Variants in DNAH9 observed in about 807,000 individuals in gnomAD.
DNAH9 encodes dynein axonemal heavy chain 9.
A neutral mutation model predicts 471.6 loss-of-function variants in DNAH9; 345 were observed. The ratio of observed to expected loss-of-function variants is 0.73; its 90% CI spans 0.67 to 0.80. The LOEUF (loss-of-function observed/expected upper bound fraction) is 0.80, where lower values mean the gene tolerates loss of function less well. Among genes scored for constraint, DNAH9 ranks in the 30% least tolerant of loss-of-function variants. The pLI, the probability that DNAH9 is intolerant of heterozygous loss-of-function variation, is 0.00. For missense variants in DNAH9, 5,407 were observed against 5,609.2 expected, an observed-to-expected ratio of 0.96 and a Z score of 1.15; for synonymous variants, 2,093 against 2,123.6, an observed-to-expected ratio of 0.99 and a Z score of 0.40.
In DNAH9 at chr17:11,694,640, T is replaced by TTTCTC. The variant is rs2074402896; in HGVS notation, c.4872+193_4872+194insTTCTC. ...TTGCTTTCTTGCTTTCTTGCTTTCT[T>TTTCTC]GCTTTCTCGCTTTCTCGCTTTCTCG... On this transcript the variant is annotated intron_variant, in intron 22 of 68. Transcript: ENST00000262442. Among the ~76,000 whole-genome samples, 20 of 2,670 alleles carry TTTCTC rather than the reference T, an allele frequency of 7.5e-3. 2 individuals are homozygous for TTTCTC. Among genetic ancestry groups the TTTCTC allele is most frequent in the African/African-American group, 0.011 (20 of 1,792 alleles). The allele number at this position is 2,670 out of a possible 152,430, so 1.8% of individuals were successfully genotyped here. A position where few individuals can be genotyped will look rare whatever the true frequency, so the allele number is the denominator to read the frequency against.
chr17:11,620,855 G>C (rs2072844413), intron 6 of DNAH9, among the ~76,000 whole-genome samples: 1 of 152,120 alleles, frequency 6.6e-6, no homozygotes, highest in South Asian at 2.1e-4. Flanking sequence ...CTGTGCAAAA[G>C]AAACATGACT....
At chr17:11,912,241 T>C (rs1973816009) in intron 61 of DNAH9, among the ~76,000 whole-genome samples, 2 of 152,110 alleles carry the variant, frequency 1.3e-5, no homozygotes, top group African/African-American at 4.8e-5. Context: ...ATGGTCTCAA[T>C]CTCTTGACTT....
At chr17:11,658,349 T>C (rs1356798165) in intron 14 of DNAH9, among the ~76,000 whole-genome samples, 2 of 152,184 alleles carry the variant, frequency 1.3e-5, no homozygotes, top group Non-Finnish European at 2.9e-5. Flanking sequence ...CATCATTGAT[T>C]TTTACATTTT....
intron 8 of DNAH9, among the ~76,000 whole-genome samples, chr17:11,635,524 T>G (rs1424974277): frequency 5.9e-5 from 9 of 152,084 alleles, no homozygotes; most frequent in African/African-American, 9.7e-5. Context: ...GCAAAAACCA[T>G]GCACTGAGCA....
At chr17:11,953,054 T>G (rs2151442241) in intron 67 of DNAH9, among the ~76,000 whole-genome samples, 1 of 152,282 alleles carries the variant, frequency 6.6e-6, no homozygotes. Flanking sequence ...AAGGCGAAAG[T>G]CCTATCAGAT....
intron 27 of DNAH9, among the ~76,000 whole-genome samples, chr17:11,723,768 C>T (rs567398381): frequency 1.3e-5 from 2 of 152,094 alleles, no homozygotes; most frequent in East Asian, 1.9e-4. Context: ...CCTGGGTTCA[C>T]GTCATTCTCC....
Position 11,598,612 on chromosome 17 carries a change from G to C in DNAH9, c.114G>C (p.Pro38=). ...LGTYVAMSLR[P]AAGAWERCAG... Reference sequence around the variant, plus strand: ...CCTACGTGGCCATGAGCCTGCGGCCGGCTGCGGGCGCCTGGGAGCGTTGCG... The same window carrying C: ...CCTACGTGGCCATGAGCCTGCGGCCCGCTGCGGGCGCCTGGGAGCGTTGCG... The change falls in exon 1 of 69, where the codon CCG becomes CCC. Residue 38 remains proline, a synonymous_variant. Transcript: ENST00000262442. The C allele has an allele frequency of 1.5e-6, 2 of 1,342,502 alleles. No individual in the cohort carries two copies. Among genetic ancestry groups the C allele is most frequent in the South Asian group, 1.8e-5 (1 of 54,562 alleles). 83.2% of individuals were successfully genotyped at this position (1,342,502 alleles called of 1,614,324 possible).
At chr17:11,891,677 T>C (rs1176361679) in intron 57 of DNAH9, 100 bp from the exon 58 acceptor site, 2 of 1,433,354 alleles carry the variant, frequency 1.4e-6, no homozygotes, top group South Asian at 1.5e-5. Flanking sequence ...GGGAAAAAAT[T>C]TCTATGGGCT....
intron 26 of DNAH9, among the ~76,000 whole-genome samples, chr17:11,716,858 C>T (rs1450648872): frequency 2.0e-5 from 3 of 152,100 alleles, no homozygotes. Context: ...CTAGTTCAGA[C>T]AGCTTGTCCT....
chr17:11,899,280 A>T (rs1315328278), intron 59 of DNAH9, among the ~76,000 whole-genome samples: 5 of 152,068 alleles, frequency 3.3e-5, no homozygotes, highest in African/African-American at 1.2e-4. Flanking sequence ...AATCTTTGTG[A>T]TAAAATACTG....
At chr17:11,742,579 G>A (rs377343776) in intron 30 of DNAH9, among the ~76,000 whole-genome samples, 3 of 152,102 alleles carry the variant, frequency 2.0e-5, no homozygotes, top group Non-Finnish European at 2.9e-5. Context: ...CGTCCCATGA[G>A]AGACATTACA....
chr17:11,668,600 G>A (rs1183666627), intron 15 of DNAH9, among the ~76,000 whole-genome samples: 1 of 151,644 alleles, frequency 6.6e-6, no homozygotes, highest in Non-Finnish European at 1.5e-5. Flanking sequence ...GGGAGGTGGA[G>A]GTTGCAGTGA....
chr17:11,875,029 G>A lies in DNAH9; in HGVS notation c.10323G>A (p.Glu3441=). Residue 3441 remains glutamate (E), a synonymous_variant, in exon 53 of 69, where the codon GAG becomes GAA. Transcript: ENST00000262442. ...DDADVAAWQN[E]GLPADRMSVE... is the part of the protein sequence containing the mutation. ...CTGACGTGGCTGCCTGGCAGAACGA[G>A]GGCCTCCCAGCCGACCGCATGTCCG... 4 of 1,614,164 alleles carry A rather than the reference G, an allele frequency of 2.5e-6. No individual in the cohort carries two copies. Among genetic ancestry groups the A allele is most frequent in the Non-Finnish European group, 3.4e-6 (4 of 1,180,010 alleles).
chr17:11,911,804 A>G (rs1239141125), intron 61 of DNAH9, among the ~76,000 whole-genome samples: 1 of 152,146 alleles, frequency 6.6e-6, no homozygotes, highest in Non-Finnish European at 1.5e-5. Context: ...CTTTTATTAA[A>G]TGTATTCCCA....
intron 14 of DNAH9, among the ~76,000 whole-genome samples, chr17:11,656,050 A>G (rs1428842438): frequency 6.6e-6 from 1 of 152,112 alleles, no homozygotes; most frequent in Non-Finnish European, 1.5e-5. Context: ...TTTTTCATAT[A>G]ATGACTTCTT....
In DNAH9 at chr17:11,821,913, T is replaced by C; in HGVS notation, c.8708-7T>C. The C allele has an allele frequency of 6.2e-7, 1 of 1,605,186 alleles. No individual in the cohort carries two copies. The highest frequency in any genetic ancestry group is 8.5e-7 in the Non-Finnish European group (1 of 1,177,372). Reference sequence around the variant, plus strand: ...AGGCTGCCTATCTGTGCTCCATTTTTTCCCAGGGGAGATCCCAGATCTCTA... The same window carrying C: ...AGGCTGCCTATCTGTGCTCCATTTTCTCCCAGGGGAGATCCCAGATCTCTA... On this transcript the variant is annotated splice_polypyrimidine_tract_variant and splice_region_variant and intron_variant, in intron 45 of 68. Transcript: ENST00000262442.
chr17:11,623,802 T>A lies in DNAH9; in HGVS notation c.1350+4021T>A, dbSNP rs2150663459. Among the ~76,000 whole-genome samples, 1 of 152,338 alleles carries A rather than the reference T, an allele frequency of 6.6e-6. No homozygotes were observed. Among genetic ancestry groups the A allele is most frequent in the Admixed American group, 6.5e-5 (1 of 15,302 alleles). On this transcript the variant is annotated intron_variant, in intron 6 of 68. Transcript: ENST00000262442. The surrounding 1 kb of genome is among the most constrained non-coding windows in gnomAD (Gnocchi z 4.1). ...TGAAACACCAATGTGTTTATCTCTC[T>A]GCATGCTCTCGTCACGGGTTAGAGT...
chr17:11,644,740 A>C (rs1465303867), intron 11 of DNAH9, 41 bp downstream of exon 11: 1 of 1,401,428 alleles, frequency 7.1e-7, no homozygotes, highest in Non-Finnish European at 1.0e-6. Flanking sequence ...CAGATTGCAC[A>C]GCCTCCATGC....
chr17:11,618,283 T>G (rs1277893030), intron 5 of DNAH9, among the ~76,000 whole-genome samples: 1 of 152,044 alleles, frequency 6.6e-6, no homozygotes, highest in African/African-American at 2.4e-5. Flanking sequence ...CCTTGAGGAG[T>G]GTATCTTAAG....
Sources: gnomAD v4.1 joint callset for allele counts (sites outside exome capture counted in the v4.1 genomes callset) on GRCh38, gnomAD v4.1.1 for gene constraint, Gnocchi (gnomAD v3.1) non-coding constraint, MANE v1.5 for transcripts, NCBI Gene and HGNC (gene_info 2026-07-23, HGNC 2026-07-21) for gene names.